The following SEC22A variants were observed in gnomAD, a reference collection of about 807,000 sequenced individuals.
SEC22A encodes SEC22 homolog A, vesicle trafficking protein.
In SEC22A, 22 loss-of-function variants were observed where a neutral mutation model predicts 35.3. That is an observed-to-expected ratio of 0.62 (90% CI 0.45 to 0.89). The LOEUF is 0.89. SEC22A is among the 40% of genes least tolerant of loss of function. The pLI is 0.00. For missense variants in SEC22A, 354 were observed against 362.5 expected (o/e 0.98, Z 0.19); for synonymous variants, 119 against 129.5 (o/e 0.92, Z 0.55).
intron 6 of SEC22A, among the ~76,000 whole-genome samples, chr3:123,264,188 G>T (rs1164297619): frequency 6.6e-6 from 1 of 152,158 alleles, no homozygotes; most frequent in Non-Finnish European, 1.5e-5. Flanking sequence ...AGGGTTACAG[G>T]TGTGAGCCAC....
chr3:123,230,320 A>G (rs1435525606), intron 4 of SEC22A, among the ~76,000 whole-genome samples: 1 of 152,200 alleles, frequency 6.6e-6, no homozygotes, highest in Admixed American at 6.5e-5. Context: ...TAAGGAAATT[A>G]CTCCAGATGA....
intron 5 of SEC22A, among the ~76,000 whole-genome samples, chr3:123,248,027 T>A (rs1043548243): frequency 6.6e-6 from 1 of 152,116 alleles, no homozygotes; most frequent in Non-Finnish European, 1.5e-5. Flanking sequence ...CATAAAAACT[T>A]GGAGCGAACT....
chr3:123,236,868 G>GA (rs199604940), intron 4 of SEC22A, among the ~76,000 whole-genome samples: 3,614 of 152,132 alleles, frequency 0.024, 64 homozygotes, highest in Middle Eastern at 0.085. Context: ...ATGAAAGCCA[G>GA]AAGACAACTT....
Position 123,203,059 on chromosome 3 carries a change from T to C in SEC22A, c.-20+1073T>C, listed in dbSNP as rs1379639564. Among the ~76,000 whole-genome samples, 641 of 77,778 alleles carry C rather than the reference T, an allele frequency of 8.2e-3. 51 individuals are homozygous for C. Among genetic ancestry groups the C allele is most frequent in the African/African-American group, 0.014 (296 of 20,770 alleles). The allele number at this position is 77,778 out of a possible 152,430, so 51.0% of individuals were successfully genotyped here. ...CATCACATCTGTTTAGTGCCTTTTTTTTTTTTTTTTTTTTTTTTTTTTTTT... is the reference window on the plus strand; with the variant it reads ...CATCACATCTGTTTAGTGCCTTTTTCTTTTTTTTTTTTTTTTTTTTTTTTT... On this transcript the variant is annotated intron_variant, in intron 1 of 6. Transcript: ENST00000492595.
chr3:123,271,403 T>C, intron 6 of SEC22A, 119 bp from the exon 7 acceptor site: 2 of 749,088 alleles, frequency 2.7e-6, no homozygotes, highest in Non-Finnish European at 4.3e-6. Context: ...TATCCCTAGA[T>C]AAAAAATAAC....
At chr3:123,206,978 C>T (rs1410213940) in intron 1 of SEC22A, among the ~76,000 whole-genome samples, 2 of 152,144 alleles carry the variant, frequency 1.3e-5, no homozygotes, top group African/African-American at 4.8e-5. Flanking sequence ...ATCCTAGCTA[C>T]TCGCGAGGCT....
intron 4 of SEC22A, among the ~76,000 whole-genome samples, chr3:123,232,221 T>C (rs933503119): frequency 6.6e-6 from 1 of 152,114 alleles, no homozygotes; most frequent in African/African-American, 2.4e-5. Flanking sequence ...CCCTGGGTGA[T>C]AGAGCGAGGC....
intron 4 of SEC22A, 51 bp downstream of exon 4, chr3:123,225,348 C>T: frequency 2.7e-6 from 3 of 1,094,702 alleles, no homozygotes; most frequent in Non-Finnish European, 4.0e-6. Context: ...TTGGGAAAAA[C>T]TGAGAAACTC....
chr3:123,202,661 T>A (rs1936769587), intron 1 of SEC22A, among the ~76,000 whole-genome samples: 1 of 152,182 alleles, frequency 6.6e-6, no homozygotes, highest in African/African-American at 2.4e-5. Flanking sequence ...TCTCTGCCAG[T>A]GAAGACAGCT....
At chr3:123,219,641 C>G (rs1485972516) in intron 2 of SEC22A, among the ~76,000 whole-genome samples, 2 of 152,182 alleles carry the variant, frequency 1.3e-5, no homozygotes, top group African/African-American at 4.8e-5. Flanking sequence ...CTAGCTCATA[C>G]TAAGCGGTCA....
rs149939306 is a variant in SEC22A, at chr3:123,236,813, G to GCACA, written c.542-9074_542-9071dup. 6.4e-3 allele frequency among the ~76,000 whole-genome samples: 968 copies of GCACA among 150,766 alleles called. 8 individuals are homozygous for GCACA. The highest frequency in any genetic ancestry group is 0.013 in the South Asian group (64 of 4,788). ...CATGAACATAGACCATAAGAAACACGCACACACACACACACGCACACATAT... is the reference window on the plus strand; with the variant it reads ...CATGAACATAGACCATAAGAAACACGCACACACACACACACACACGCACACATAT... On this transcript the variant is annotated intron_variant, in intron 4 of 6. Coordinates refer to ENST00000492595, the MANE Select transcript of SEC22A (RefSeq NM_012430.5).
At chr3:123,236,198 T>G (rs1937416637) in intron 4 of SEC22A, among the ~76,000 whole-genome samples, 1 of 152,198 alleles carries the variant, frequency 6.6e-6, no homozygotes. Context: ...TTATTGAATG[T>G]GGATTATATT....
intron 2 of SEC22A, among the ~76,000 whole-genome samples, chr3:123,217,261 G>A (rs537851194): frequency 2.5e-4 from 38 of 150,928 alleles, no homozygotes; most frequent in African/African-American, 8.5e-4. Flanking sequence ...GCAATGGCAC[G>A]ATCTTGGCTC....
At chr3:123,235,249 G>A (rs1427489289) in intron 4 of SEC22A, among the ~76,000 whole-genome samples, 4 of 152,050 alleles carry the variant, frequency 2.6e-5, no homozygotes, top group Non-Finnish European at 5.9e-5. Context: ...AAAGGCAACC[G>A]ACACAATGGG....
intron 2 of SEC22A, among the ~76,000 whole-genome samples, chr3:123,213,268 G>A (rs533042362): frequency 6.6e-6 from 1 of 152,156 alleles, no homozygotes; most frequent in Non-Finnish European, 1.5e-5. Flanking sequence ...TACCTTATAT[G>A]ACATTGAGCT....
Position 123,271,707 on chromosome 3 carries a change from C to G in SEC22A, c.909C>G (p.Pro303=). Residue 303 remains proline, a synonymous_variant, in exon 7 of 7, where the codon CCC becomes CCG. Coordinates refer to ENST00000492595, the MANE Select transcript of SEC22A (RefSeq NM_012430.5). The stretch of plus-strand genomic sequence containing the variant: ...TAAGGCAAGCCCAGGGCAAGGCTCC[C>G]GATTATGATGTCTGACACCATCCTT... The part of the protein sequence containing the change: ...IWLRQAQGKA[P]DYDV The G allele has an allele frequency of 6.2e-7, 1 of 1,613,972 alleles. No homozygotes were observed. The highest frequency in any genetic ancestry group is 1.6e-4 in the Middle Eastern group (1 of 6,062).
At chr3:123,230,401 A>G (rs1471429146) in intron 4 of SEC22A, among the ~76,000 whole-genome samples, 1 of 152,188 alleles carries the variant, frequency 6.6e-6, no homozygotes, top group African/African-American at 2.4e-5. Context: ...AGCTATAAAC[A>G]TATAATTACT....
At chr3:123,218,883 A>G (rs1305369381) in intron 2 of SEC22A, among the ~76,000 whole-genome samples, 5 of 152,248 alleles carry the variant, frequency 3.3e-5, no homozygotes, top group Admixed American at 2.6e-4. Context: ...CTAAGAATAT[A>G]ATGGTGAGCA....
chr3:123,237,617 G>A (rs1053127803), intron 4 of SEC22A, among the ~76,000 whole-genome samples: 1 of 152,110 alleles, frequency 6.6e-6, no homozygotes, highest in Admixed American at 6.5e-5. Flanking sequence ...AATTCCATGG[G>A]TCTGGCAGTC....
Sources: allele counts gnomAD v4.1 joint callset (sites outside exome capture counted in the v4.1 genomes callset), GRCh38; gene constraint gnomAD v4.1.1; transcripts MANE v1.5; gene names NCBI Gene and HGNC (gene_info 2026-07-23, HGNC 2026-07-21).